TSNARE1: variants seen among roughly 807,000 people sequenced by gnomAD.
The protein encoded by TSNARE1 is t-SNARE domain containing 1.
In TSNARE1, 49 loss-of-function variants were observed where a neutral mutation model predicts 62.0. The observed-to-expected ratio is 0.79, with a 90% confidence interval of 0.63 to 1.00. TSNARE1 has a LOEUF of 1.00. Among genes scored for constraint, TSNARE1 ranks in the 50% least tolerant of loss-of-function variants. The pLI, the probability that TSNARE1 is intolerant of heterozygous loss-of-function variation, is 0.00. For missense variants in TSNARE1, 755 were observed against 700.1 expected (o/e 1.08, Z -0.88); for synonymous variants, 328 against 294.4 (o/e 1.11, Z -1.17).
At chr8:142,249,144 C>T (rs1818030193) in intron 12 of TSNARE1, among the ~76,000 whole-genome samples, 1 of 152,262 alleles carries the variant, frequency 6.6e-6, no homozygotes, top group Non-Finnish European at 1.5e-5. Context: ...CACGCTACGA[C>T]TCTGCCATTG....
intron 9 of TSNARE1, among the ~76,000 whole-genome samples, chr8:142,303,340 A>G (rs761614346): frequency 6.6e-6 from 1 of 152,148 alleles, no homozygotes; most frequent in African/African-American, 2.4e-5. Flanking sequence ...GCTTCCCAGC[A>G]GGTGCTGCTC....
intron 9 of TSNARE1, among the ~76,000 whole-genome samples, chr8:142,302,599 C>T (rs150220120): frequency 2.0e-5 from 3 of 152,254 alleles, no homozygotes; most frequent in East Asian, 3.9e-4. Flanking sequence ...ACATAATCAA[C>T]GTCCTCTCCC....
chr8:142,371,876 C>T (rs1020696872), intron 1 of TSNARE1, among the ~76,000 whole-genome samples: 1 of 152,198 alleles, frequency 6.6e-6, no homozygotes, highest in East Asian at 1.9e-4. Context: ...CACACAGCCA[C>T]GCCCATTCAT....
chr8:142,317,367 G>A (rs111906774), intron 7 of TSNARE1, among the ~76,000 whole-genome samples: 5 of 120,978 alleles, frequency 4.1e-5, no homozygotes, highest in Admixed American at 8.2e-5. Flanking sequence ...CGCGTGAAGC[G>A]GGTATGGCCA....
At chr8:142,328,338 C>T (rs76083725) in intron 6 of TSNARE1, among the ~76,000 whole-genome samples, 3,379 of 152,318 alleles carry the variant, frequency 0.022, 45 homozygotes, top group East Asian at 0.07. Flanking sequence ...TCACAGCCTA[C>T]GTGCCCTCCT....
At position 142,307,301 on chromosome 8, in the gene TSNARE1, T is replaced by C. The variant is rs75323507; in HGVS notation, c.1132-6657A>G. On this transcript the variant is annotated intron_variant, in intron 9 of 13. Coordinates refer to ENST00000524325, the MANE Select transcript of TSNARE1 (RefSeq NM_145003.5). ...GGCATGAATTCAGCAGGTGCTGCTTTTCTGTGCTGGTCAGACTGGGCGGTG... is the reference window on the plus strand; with the variant it reads ...GGCATGAATTCAGCAGGTGCTGCTTCTCTGTGCTGGTCAGACTGGGCGGTG... Among the ~76,000 whole-genome samples, 576 of 152,348 alleles carry C rather than the reference T, an allele frequency of 3.8e-3. 2 individuals carry two copies. The highest frequency in any genetic ancestry group is 0.013 in the African/African-American group (545 of 41,574).
intron 12 of TSNARE1, among the ~76,000 whole-genome samples, chr8:142,264,438 C>T (rs1410682742): frequency 6.6e-6 from 1 of 152,184 alleles, no homozygotes; most frequent in African/African-American, 2.4e-5. Context: ...TGTAAGCATC[C>T]GTGAAGTTCA....
At chr8:142,373,353 C>T (rs1294715031) in intron 1 of TSNARE1, among the ~76,000 whole-genome samples, 2 of 152,190 alleles carry the variant, frequency 1.3e-5, no homozygotes, top group African/African-American at 4.8e-5. Context: ...CCAGCCAGGT[C>T]TCACCCTGAC....
At chr8:142,299,639 TCACG>T (rs998320580) in intron 10 of TSNARE1, among the ~76,000 whole-genome samples, 23 of 152,134 alleles carry the variant, frequency 1.5e-4, no homozygotes, top group African/African-American at 1.9e-4. Context: ...ACACACGCAC[TCACG>T]CACGCACGCA....
At chr8:142,386,057 C>G (rs1837094692) in intron 1 of TSNARE1, among the ~76,000 whole-genome samples, 1 of 152,202 alleles carries the variant, frequency 6.6e-6, no homozygotes. Context: ...TAACATCCTC[C>G]TTCACCACAT....
At chr8:142,362,636 G>A (rs1318098571) in intron 1 of TSNARE1, among the ~76,000 whole-genome samples, 1 of 152,154 alleles carries the variant, frequency 6.6e-6, no homozygotes, top group African/African-American at 2.4e-5. Flanking sequence ...ATCACCCCCA[G>A]ATACGGCAGT....
At chr8:142,328,997 C>CT (rs1329643463) in intron 6 of TSNARE1, among the ~76,000 whole-genome samples, 2 of 152,202 alleles carry the variant, frequency 1.3e-5, no homozygotes, top group African/African-American at 4.8e-5. Context: ...GCTGGAAAGC[C>CT]TTTTCCCTGA....
At chr8:142,226,981 A>G (rs28517815) in intron 13 of TSNARE1, among the ~76,000 whole-genome samples, 2 of 48,064 alleles carry the variant, frequency 4.2e-5, no homozygotes, top group Non-Finnish European at 1.0e-4. Flanking sequence ...CAGTGACAGC[A>G]AGGCCCCCCA....
intron 11 of TSNARE1, 126 bp downstream of exon 11, chr8:142,284,287 C>G: frequency 2.7e-6 from 2 of 728,866 alleles, no homozygotes; most frequent in Non-Finnish European, 4.7e-6. Flanking sequence ...CAGACCTGGA[C>G]CCCAGCCTGG....
intron 9 of TSNARE1, among the ~76,000 whole-genome samples, chr8:142,304,480 C>T (rs1826331116): frequency 6.6e-6 from 1 of 152,252 alleles, no homozygotes; most frequent in Non-Finnish European, 1.5e-5. Context: ...GCTCCACCCA[C>T]ACGGTCTGAC....
At chr8:142,338,866 G>A (rs369378629) in intron 4 of TSNARE1, among the ~76,000 whole-genome samples, 3 of 152,302 alleles carry the variant, frequency 2.0e-5, no homozygotes, top group African/African-American at 7.2e-5. Context: ...CCCAGGGAAG[G>A]GAAGAATAGC....
At chr8:142,372,532 G>C (rs1253759441) in intron 1 of TSNARE1, among the ~76,000 whole-genome samples, 1 of 152,196 alleles carries the variant, frequency 6.6e-6, no homozygotes, top group Non-Finnish European at 1.5e-5. Context: ...GAGGCTGCGG[G>C]GTGGAGCGGG....
At chr8:142,379,229 G>A (rs1429359711) in intron 1 of TSNARE1, among the ~76,000 whole-genome samples, 5 of 152,226 alleles carry the variant, frequency 3.3e-5, no homozygotes, top group African/African-American at 1.2e-4. Flanking sequence ...GCCGCTGCCA[G>A]CAAGGACAGA....
Position 142,372,985 on chromosome 8 carries a change from C to T in TSNARE1, c.-39-18222G>A, listed in dbSNP as rs573749838. Among the ~76,000 whole-genome samples, 27 of 152,338 alleles carry T rather than the reference C, an allele frequency of 1.8e-4. No homozygotes were observed. In the East Asian group the frequency reaches 4.1e-3, roughly 23 times the overall value. ...CAAGCCCCTGCCCCTGATTTCTGGA[C>T]GCTTTTTCTTGCTCCACTCCCTCCC... is the stretch of plus-strand genomic sequence containing the variant. On this transcript the variant is annotated intron_variant, in intron 1 of 13. Coordinates refer to ENST00000524325, the MANE Select transcript of TSNARE1 (RefSeq NM_145003.5).
Sources: gnomAD v4.1 joint callset for allele counts (sites outside exome capture counted in the v4.1 genomes callset) on GRCh38, gnomAD v4.1.1 for gene constraint, MANE v1.5 for transcripts, NCBI Gene and HGNC (gene_info 2026-07-23, HGNC 2026-07-21) for gene names.